Variants in LRBA observed in about 807,000 individuals in gnomAD.
LRBA encodes the protein lipopolysaccharide-responsive and beige-like anchor protein.
LRBA carries 176 observed loss-of-function variants against 330.0 expected under a neutral mutation model. That is an observed-to-expected ratio of 0.53 (90% CI 0.47 to 0.60). The LOEUF (loss-of-function observed/expected upper bound fraction) is 0.60. LRBA is among the 20% of genes least tolerant of loss of function. The pLI is 0.00. For synonymous variants in LRBA, 1,230 were observed against 1,193.0 expected (o/e 1.03, Z -0.64); for missense variants, 3,259 against 3,444.8 (o/e 0.95, Z 1.35).
intron 44 of LRBA, among the ~76,000 whole-genome samples, chr4:150,465,189 T>C (rs1755290267): frequency 6.6e-6 from 1 of 152,134 alleles, no homozygotes; most frequent in African/African-American, 2.4e-5. Flanking sequence ...TCACCTAGCA[T>C]AACATCCTCA....
rs879098015 is a variant in LRBA, at chr4:150,897,658, T to C, written c.2004+81A>G. On this transcript the variant is annotated intron_variant, in intron 15 of 56. Transcript: ENST00000651943. ...GTAACCACAGTAACCAAGCAAAGAA[T>C]AAAAAAACCAAGATTGTATTTCATG... The C allele has an allele frequency of 3.1e-6, 3 of 981,766 alleles. No individual in the cohort carries two copies. The South Asian group carries it at 4.7e-5, about 15-fold the overall frequency. 60.8% of individuals were successfully genotyped at this position (981,766 alleles called of 1,614,324 possible). A position where few individuals can be genotyped will look rare whatever the true frequency, so the allele number is the denominator to read the frequency against.
chr4:150,650,737 G>A (rs569502120), intron 37 of LRBA, among the ~76,000 whole-genome samples: 2 of 152,048 alleles, frequency 1.3e-5, no homozygotes, highest in South Asian at 2.1e-4. Flanking sequence ...GAAATTAACT[G>A]CCATGAATGT....
chr4:150,481,627 T>A (rs1757308773), intron 42 of LRBA, among the ~76,000 whole-genome samples: 1 of 151,924 alleles, frequency 6.6e-6, no homozygotes, highest in Non-Finnish European at 1.5e-5. Context: ...TAGTTTTGCT[T>A]TTTCAGTAAT....
In LRBA at chr4:150,589,101, T is replaced by C. The variant is rs922376525; in HGVS notation, c.6194-917A>G. On this transcript the variant is annotated intron_variant, in intron 39 of 56. Transcript: ENST00000651943. ...GAGAGAGAGATCGACGTAGAAAGAA[T>C]TTGAAATTCCATTATCAATTCCTCA... 3.3e-5 allele frequency among the ~76,000 whole-genome samples: 5 copies of C among 150,774 alleles called. No homozygotes were observed. In the South Asian group the frequency reaches 1.0e-3, roughly 32 times the overall value.
At position 150,929,074 on chromosome 4, in the gene LRBA, GAA is replaced by G. The variant is rs766044503; in HGVS notation, c.217-11_217-10del. 138 of 1,232,182 alleles carry G rather than the reference GAA, an allele frequency of 1.1e-4. No homozygotes were observed. Among genetic ancestry groups the G allele is most frequent in the Admixed American group, 1.4e-4 (6 of 43,150 alleles). The allele number at this position is 1,232,182 out of a possible 1,614,324, so 76.3% of individuals were successfully genotyped here. ...AACTGTCCTCCTACCAACTTACAAG[GAA>G]AAAAAAAAAACACATTAAAAGCATT... On this transcript the variant is annotated splice_polypyrimidine_tract_variant and intron_variant, in intron 2 of 56. Coordinates refer to ENST00000651943, the MANE Select transcript of LRBA (RefSeq NM_001364905.1).
chr4:151,003,885 CTGTGTGTGTGTGTGTGTGTG>C (rs56025404), intron 2 of LRBA, among the ~76,000 whole-genome samples: 33 of 134,198 alleles, frequency 2.5e-4, no homozygotes, highest in African/African-American at 6.7e-4. Context: ...TAGCCAACTG[CTGTGTGTGTGTGTGTGTGTG>C]TGTGTGTGTG....
chr4:150,429,458 T>C (rs974433722), intron 46 of LRBA, among the ~76,000 whole-genome samples: 1 of 152,038 alleles, frequency 6.6e-6, no homozygotes, highest in Non-Finnish European at 1.5e-5. Context: ...GGTCTTACGT[T>C]GCAAAGATTT....
rs1731644297 is a variant in LRBA, at chr4:150,315,770, G to C, written c.7631-147C>G. On this transcript the variant is annotated intron_variant, in intron 50 of 56. Transcript: ENST00000651943. ...GTGAAATTTAAAGAACAAAAATCCA[G>C]GTGCTTTTATGGCTAGCTTATTAAA... 1.0e-5 allele frequency: 6 copies of C among 592,984 alleles called. No homozygotes were observed. In the East Asian group the frequency reaches 1.8e-4, roughly 18 times the overall value. 36.7% of individuals were successfully genotyped at this position (592,984 alleles called of 1,614,324 possible).
chr4:150,474,145 T>C (rs1756452810), intron 42 of LRBA, among the ~76,000 whole-genome samples: 1 of 152,196 alleles, frequency 6.6e-6, no homozygotes, highest in Non-Finnish European at 1.5e-5. Context: ...TTTGAGTTAA[T>C]TTTTTTGACT....
At chr4:150,336,720 A>G (rs148633978) in intron 48 of LRBA, among the ~76,000 whole-genome samples, 9 of 152,294 alleles carry the variant, frequency 5.9e-5, no homozygotes, top group Middle Eastern at 3.4e-3. Context: ...CGGAGCCCGT[A>G]CTTTTCAGGC....
chr4:150,645,769 C>A (rs4269161), intron 37 of LRBA, among the ~76,000 whole-genome samples: 121,674 of 151,796 alleles, frequency 0.8, 52,416 homozygotes, highest in Non-Finnish European at 0.95. Context: ...TGTGTGAAAA[C>A]ATATTTTAAA....
In LRBA at chr4:150,321,174, G is replaced by A; in HGVS notation, c.7630+17C>T. The stretch of plus-strand genomic sequence containing the variant: ...TTCAGCAGTTACCATGCCTTATAAT[G>A]GTATTTCTTTACTTACCAGGAAGGT... On this transcript the variant is annotated intron_variant, in intron 50 of 56. Transcript: ENST00000651943. The surrounding 1 kb of genome is among the most constrained non-coding windows in gnomAD (Gnocchi z 4.5). 6.2e-7 allele frequency: 1 copy of A among 1,600,656 alleles called. No individual in the cohort carries two copies. The highest frequency in any genetic ancestry group is 8.5e-7 in the Non-Finnish European group (1 of 1,173,576).
chr4:150,871,443 C>T lies in LRBA; in HGVS notation c.2269G>A (p.Glu757Lys). The change falls in exon 19 of 57, where the codon GAA becomes AAA. Residue 757 changes from glutamate (E) to lysine (K), a missense_variant. Glu to Lys is a moderately conservative substitution (Grantham distance 56). Transcript: ENST00000651943. ...LKHLAPKRKAEVMLGHGLFSL... is the reference protein window; with the variant it reads ...LKHLAPKRKAKVMLGHGLFSL... ...AACAATCCATGTCCAAGCATGACTT[C>T]TGCTTTCCTCCTGCAATTACACAAA... 6.2e-7 allele frequency: 1 copy of T among 1,601,464 alleles called. No individual in the cohort carries two copies. The highest frequency in any genetic ancestry group is 8.6e-7 in the Non-Finnish European group (1 of 1,168,968).
At chr4:150,588,726 C>T (rs1192707138) in intron 39 of LRBA, among the ~76,000 whole-genome samples, 1 of 152,110 alleles carries the variant, frequency 6.6e-6, no homozygotes, top group Non-Finnish European at 1.5e-5. Flanking sequence ...ACAACTTTAC[C>T]CCATCAATGA....
intron 40 of LRBA, among the ~76,000 whole-genome samples, chr4:150,534,041 A>G (rs959629374): frequency 5.3e-5 from 8 of 152,182 alleles, no homozygotes; most frequent in Non-Finnish European, 8.8e-5. Flanking sequence ...GATGAATACC[A>G]TATGTATTTG....
intron 47 of LRBA, among the ~76,000 whole-genome samples, chr4:150,402,523 G>A (rs540228603): frequency 1.3e-5 from 2 of 152,062 alleles, no homozygotes; most frequent in East Asian, 3.9e-4. Flanking sequence ...CTATAGTCAC[G>A]GCATTTAATA....
chr4:150,876,924 T>TA (rs941189344), intron 17 of LRBA, among the ~76,000 whole-genome samples: 23 of 151,624 alleles, frequency 1.5e-4, no homozygotes, highest in African/African-American at 4.8e-4. Context: ...GCATATTGGA[T>TA]AAAAAAAACA....
intron 25 of LRBA, 146 bp downstream of exon 25, chr4:150,849,276 C>G (rs1750296717): frequency 2.9e-6 from 2 of 694,164 alleles, no homozygotes; most frequent in Admixed American, 2.9e-5. Flanking sequence ...AGAACAGATT[C>G]TAAGGTCCTC....
At chr4:150,508,418 G>A (rs1463505169) in intron 40 of LRBA, among the ~76,000 whole-genome samples, 1 of 151,720 alleles carries the variant, frequency 6.6e-6, no homozygotes, top group East Asian at 2.0e-4. Flanking sequence ...GAGTAGCTGG[G>A]ACTAGGACTA....
Sources: allele counts gnomAD v4.1 joint callset (sites outside exome capture counted in the v4.1 genomes callset), GRCh38; gene constraint gnomAD v4.1.1; non-coding constraint Gnocchi (gnomAD v3.1); transcripts MANE v1.5; gene names NCBI Gene and HGNC (gene_info 2026-07-23, HGNC 2026-07-21).